Variants in CSMD3 observed in about 807,000 individuals in gnomAD.
CSMD3 encodes the protein CUB and Sushi multiple domains 3.
A neutral mutation model predicts 435.2 loss-of-function variants in CSMD3; 177 were observed. The ratio of observed to expected loss-of-function variants is 0.41; its 90% CI spans 0.36 to 0.46. CSMD3 has a LOEUF of 0.46. CSMD3 is among the 20% of genes least tolerant of loss of function. The probability of loss-of-function intolerance (pLI) is 0.34; values close to 1 mark genes in which losing one functional copy is unlikely to be tolerated. For missense variants in CSMD3, 4,265 were observed against 4,504.6 expected (o/e 0.95, Z 1.52); for synonymous variants, 1,656 against 1,520.5 (o/e 1.09, Z -2.07).
chr8:112,291,716 G>GAAACATATGTATATTATTCC, intron 55 of CSMD3, 21 bp from the exon 56 acceptor site: 1 of 1,552,010 alleles, frequency 6.4e-7, no homozygotes, highest in Non-Finnish European at 8.9e-7. Flanking sequence ...GACAAATTTT[G>GAAACATATGTATATTATTCC]AAACATATGT....
intron 22 of CSMD3, among the ~76,000 whole-genome samples, chr8:112,621,027 A>G (rs1455746401): frequency 6.6e-6 from 1 of 152,032 alleles, no homozygotes; most frequent in Non-Finnish European, 1.5e-5. Flanking sequence ...ACCTGAGGTT[A>G]GAGTTCAAGA....
At chr8:113,208,697 TGAA>T (rs2092799132) in intron 3 of CSMD3, among the ~76,000 whole-genome samples, 1 of 152,078 alleles carries the variant, frequency 6.6e-6, no homozygotes, top group African/African-American at 2.4e-5. Context: ...CATAAGTACA[TGAA>T]GAAAAATTTC....
intron 3 of CSMD3, among the ~76,000 whole-genome samples, chr8:113,212,623 C>A (rs995833086): frequency 2.6e-5 from 4 of 151,824 alleles, no homozygotes; most frequent in African/African-American, 9.7e-5. Flanking sequence ...TCATTCTCAG[C>A]AAACTATCAC....
intron 3 of CSMD3, among the ~76,000 whole-genome samples, chr8:113,230,569 A>C (rs1404636991): frequency 1.3e-5 from 2 of 151,522 alleles, no homozygotes; most frequent in Non-Finnish European, 3.0e-5. Context: ...TGATCCAAAG[A>C]CCATTATACC....
intron 3 of CSMD3, among the ~76,000 whole-genome samples, chr8:113,239,784 T>A (rs1277652622): frequency 2.0e-5 from 3 of 152,118 alleles, no homozygotes; most frequent in Non-Finnish European, 4.4e-5. Flanking sequence ...GAAAAAACAA[T>A]ATTGGAGAGA....
intron 22 of CSMD3, among the ~76,000 whole-genome samples, chr8:112,589,827 C>T (rs1380012259): frequency 6.6e-6 from 1 of 152,030 alleles, no homozygotes; most frequent in African/African-American, 2.4e-5. Flanking sequence ...ACGATCCAAC[C>T]GGTAAAGGCG....
intron 32 of CSMD3, among the ~76,000 whole-genome samples, chr8:112,439,115 A>G (rs1814696729): frequency 6.6e-6 from 1 of 152,174 alleles, no homozygotes; most frequent in South Asian, 2.1e-4. Context: ...CACTTTGAAA[A>G]ATATAATGCA....
At chr8:113,321,657 C>A (rs968841287) in intron 1 of CSMD3, among the ~76,000 whole-genome samples, 1 of 152,150 alleles carries the variant, frequency 6.6e-6, no homozygotes, top group Non-Finnish European at 1.5e-5. Context: ...ATTCAGTAAG[C>A]ACTTTTTGAC....
rs923782632 is a variant in CSMD3 at position 112,825,205 on chromosome 8, G to A, written c.1859+4481C>T. On this transcript the variant is annotated intron_variant, in intron 12 of 70. Transcript: ENST00000297405. Reference sequence around the variant, plus strand: ...CTGGTTATTCTAGTTAGCAGCTCCTGTAACCTTTTATCAAGGTTCTTATCT... The same window carrying A: ...CTGGTTATTCTAGTTAGCAGCTCCTATAACCTTTTATCAAGGTTCTTATCT... Among the ~76,000 whole-genome samples the A allele has an allele frequency of 2.0e-5, 3 of 152,082 alleles. No homozygotes were observed. In the East Asian group the frequency reaches 5.8e-4, roughly 29 times the overall value.
chr8:112,341,411 C>T (rs1230886355), intron 42 of CSMD3, 66 bp downstream of exon 42: 2 of 1,029,722 alleles, frequency 1.9e-6, no homozygotes, highest in Non-Finnish European at 3.0e-6. Flanking sequence ...TAATTAGACT[C>T]AGTTAAATAT....
At chr8:112,739,134 A>G (rs1192194778) in intron 13 of CSMD3, among the ~76,000 whole-genome samples, 1 of 151,818 alleles carries the variant, frequency 6.6e-6, no homozygotes, top group Non-Finnish European at 1.5e-5. Flanking sequence ...AAAGGTTAAC[A>G]TAATTAAGAA....
chr8:113,160,802 C>T (rs557302786), intron 4 of CSMD3, among the ~76,000 whole-genome samples: 3 of 152,022 alleles, frequency 2.0e-5, no homozygotes. Context: ...ATATTCTACT[C>T]CAACATGCCT....
chr8:112,623,070 GAAC>G (rs1834202764), intron 22 of CSMD3, among the ~76,000 whole-genome samples: 4 of 151,950 alleles, frequency 2.6e-5, no homozygotes, highest in African/African-American at 7.2e-5. Context: ...TGAGGCTTCA[GAAC>G]AACATAGAAA....
intron 2 of CSMD3, among the ~76,000 whole-genome samples, chr8:113,304,897 T>G: frequency 9.0e-6 from 1 of 111,206 alleles, no homozygotes; most frequent in South Asian, 3.6e-4. Context: ...ACATGTACCC[T>G]AAAACTTAAA....
At chr8:113,253,833 G>A (rs989658216) in intron 3 of CSMD3, among the ~76,000 whole-genome samples, 2 of 147,654 alleles carry the variant, frequency 1.4e-5, no homozygotes, top group Non-Finnish European at 1.5e-5. Context: ...GTGAGACTCC[G>A]TCTGAAAAAA....
At chr8:112,258,237 A>G (rs56148035) in intron 61 of CSMD3, among the ~76,000 whole-genome samples, 27,079 of 152,174 alleles carry the variant, frequency 0.18, 2,911 homozygotes, top group Middle Eastern at 0.33. Flanking sequence ...CTTCATGTCT[A>G]AAACACCAAA....
chr8:113,273,556 C>T (rs1332137511), intron 3 of CSMD3, among the ~76,000 whole-genome samples: 1 of 152,116 alleles, frequency 6.6e-6, no homozygotes, highest in Non-Finnish European at 1.5e-5. Flanking sequence ...CTATTAGATA[C>T]TTATTTGTGG....
At chr8:112,296,134 A>C (rs1465876740) in intron 53 of CSMD3, 128 bp from the exon 54 acceptor site, 4 of 725,522 alleles carry the variant, frequency 5.5e-6, no homozygotes, top group Non-Finnish European at 9.4e-6. Flanking sequence ...TTCAATTATA[A>C]CTATATGACA....
chr8:113,425,182 T>G (rs1346014485), intron 1 of CSMD3, among the ~76,000 whole-genome samples: 1 of 151,546 alleles, frequency 6.6e-6, no homozygotes, highest in Non-Finnish European at 1.5e-5. Flanking sequence ...CTGATCACTG[T>G]ATCCTTCACA....
Sources: allele counts gnomAD v4.1 joint callset (sites outside exome capture counted in the v4.1 genomes callset), GRCh38; gene constraint gnomAD v4.1.1; transcripts MANE v1.5; gene names NCBI Gene and HGNC (gene_info 2026-07-23, HGNC 2026-07-21).